NDUFAF6: variants seen among roughly 807,000 people sequenced by gnomAD.
NDUFAF6 encodes the protein NADH dehydrogenase (ubiquinone) complex I, assembly factor 6.
In NDUFAF6, 45 loss-of-function variants were observed where a neutral mutation model predicts 40.8. That is an observed-to-expected ratio of 1.10 (90% CI 0.87 to 1.42). NDUFAF6 has a LOEUF of 1.42. NDUFAF6 is among the 40% of genes most tolerant of loss of function. The pLI is 0.00. For synonymous variants in NDUFAF6, 185 were observed against 155.9 expected, an observed-to-expected ratio of 1.19 and a Z score of -1.39; for missense variants, 435 against 418.5, an observed-to-expected ratio of 1.04 and a Z score of -0.34.
rs11302193 is a variant in NDUFAF6 at position 95,066,287 on chromosome 8, C to CTT, written c.*512-9324_*512-9323dup. Among the ~76,000 whole-genome samples, 582 of 82,860 alleles carry CTT rather than the reference C, an allele frequency of 7.0e-3. 17 individuals are homozygous for CTT. The highest frequency in any genetic ancestry group is 0.019 in the African/African-American group (395 of 20,510). The allele number at this position is 82,860 out of a possible 152,430, so 54.4% of individuals were successfully genotyped here. A position where few individuals can be genotyped will look rare whatever the true frequency, so the allele number is the denominator to read the frequency against. The stretch of plus-strand genomic sequence containing the variant: ...CCATCATGCCTGGCTTGCTTGCTTG[C>CTT]TTTTTTTTTTTTTTTTTTTTTTTGA... On this transcript the variant is annotated intron_variant and NMD_transcript_variant, in intron 9 of 9. Transcript: ENST00000520757.
downstream of NDUFAF6, among the ~76,000 whole-genome samples, chr8:95,078,912 A>G (rs1808726441): frequency 6.6e-6 from 1 of 151,974 alleles, no homozygotes; most frequent in Non-Finnish European, 1.5e-5. Flanking sequence ...TGAATAATGC[A>G]CGCAGGCATC....
At chr8:95,045,976 C>G (rs562099399) in intron 5 of NDUFAF6, among the ~76,000 whole-genome samples, 1 of 152,124 alleles carries the variant, frequency 6.6e-6, no homozygotes, top group African/African-American at 2.4e-5. Context: ...CTGACTCTTC[C>G]TTTCGTGTTA....
intron 2 of NDUFAF6, among the ~76,000 whole-genome samples, chr8:95,081,227 C>T (rs1036119718): frequency 2.3e-5 from 3 of 131,362 alleles, no homozygotes; most frequent in East Asian, 2.4e-4. Flanking sequence ...TGCAGTGGTG[C>T]GATCTCAGCT....
intron 2 of NDUFAF6, among the ~76,000 whole-genome samples, chr8:95,014,502 A>T (rs907619543): frequency 6.6e-6 from 1 of 152,208 alleles, no homozygotes; most frequent in African/African-American, 2.4e-5. Flanking sequence ...TCTGGGTAAG[A>T]TGAGAAGGTA....
intron 4 of NDUFAF6, among the ~76,000 whole-genome samples, chr8:95,113,258 A>T (rs932108634): frequency 1.5e-4 from 23 of 152,326 alleles, no homozygotes; most frequent in Middle Eastern, 3.4e-3. Context: ...CTTAAAAAAG[A>T]TGTGTCATCA....
chr8:94,956,095 A>G (rs1586797329), upstream of NDUFAF6, among the ~76,000 whole-genome samples: 1 of 152,062 alleles, frequency 6.6e-6, no homozygotes, highest in Admixed American at 6.6e-5. Context: ...TTTAGGCTTG[A>G]CCTCTCTTAG....
intron 1 of NDUFAF6, among the ~76,000 whole-genome samples, chr8:94,939,002 T>G (rs1278686413): frequency 1.5e-4 from 23 of 152,116 alleles, no homozygotes; most frequent in Admixed American, 1.5e-3. Flanking sequence ...TTGAATTGAA[T>G]CAGAGGACAC....
intron 9 of NDUFAF6, chr8:95,067,136 A>T (rs968839800): frequency 2.6e-5 from 4 of 152,238 alleles, no homozygotes; most frequent in African/African-American, 4.8e-5. Context: ...ATGTTACGTA[A>T]TGAGTTAGAA....
At chr8:95,075,603 G>A (rs1408745611) in intron 9 of NDUFAF6, 1 of 1,287,346 alleles carries the variant, frequency 7.8e-7, no homozygotes, top group South Asian at 1.2e-5. Context: ...AGTTGGCTTG[G>A]TGAATAAGTG....
intron 1 of NDUFAF6, chr8:94,927,258 A>G (rs918278533): frequency 6.6e-6 from 1 of 152,628 alleles, no homozygotes; most frequent in Non-Finnish European, 1.5e-5. Context: ...AGAGTACATA[A>G]AGATAATATA....
At chr8:95,006,660 C>T (rs1827000040) in intron 2 of NDUFAF6, among the ~76,000 whole-genome samples, 1 of 152,022 alleles carries the variant, frequency 6.6e-6, no homozygotes, top group Non-Finnish European at 1.5e-5. Context: ...GCGGGCGGAT[C>T]GCTTGAGCTT....
At chr8:94,940,141 T>C in intron 1 of NDUFAF6, 1 of 1,614,180 alleles carries the variant, frequency 6.2e-7, no homozygotes, top group Non-Finnish European at 8.5e-7. Flanking sequence ...AGGAAAAGAC[T>C]GAAGGGTGCT....
At chr8:94,920,755 C>T (rs1259882369) in intron 1 of NDUFAF6, among the ~76,000 whole-genome samples, 1 of 152,236 alleles carries the variant, frequency 6.6e-6, no homozygotes, top group African/African-American at 2.4e-5. Flanking sequence ...CTGCACACTG[C>T]TCACAGGCTG....
chr8:95,107,298 A>G (rs1029279502), downstream of NDUFAF6, among the ~76,000 whole-genome samples: 1 of 152,250 alleles, frequency 6.6e-6, no homozygotes, highest in Non-Finnish European at 1.5e-5. Context: ...CTATACAGCC[A>G]TAAAAAAGGA....
intron 2 of NDUFAF6, among the ~76,000 whole-genome samples, chr8:95,006,994 C>CA (rs772778989): frequency 0.14 from 18,142 of 134,280 alleles, 1,151 homozygotes; most frequent in Middle Eastern, 0.25. Context: ...AATATAAGGG[C>CA]AAAAAAAAAA....
chr8:95,063,135 T>C (rs1832611712), downstream of NDUFAF6, among the ~76,000 whole-genome samples: 1 of 152,236 alleles, frequency 6.6e-6, no homozygotes, highest in Non-Finnish European at 1.5e-5. Context: ...AAACAAGCAC[T>C]TCTCCACAGG....
downstream of NDUFAF6, among the ~76,000 whole-genome samples, chr8:95,106,388 T>G (rs1033740634): frequency 6.6e-5 from 10 of 152,120 alleles, no homozygotes; most frequent in African/African-American, 2.4e-4. Flanking sequence ...GGGGAAAGGA[T>G]TCCTATTTAA....
chr8:94,940,577 T>C (rs1379708344), intron 1 of NDUFAF6, among the ~76,000 whole-genome samples: 1 of 152,162 alleles, frequency 6.6e-6, no homozygotes, highest in African/African-American at 2.4e-5. Context: ...ACTTGTCTAA[T>C]AAAAGGGGCT....
intron 1 of NDUFAF6, among the ~76,000 whole-genome samples, chr8:94,959,489 C>A (rs1264643822): frequency 6.6e-6 from 1 of 152,010 alleles, no homozygotes; most frequent in Non-Finnish European, 1.5e-5. Flanking sequence ...TATTTTGAAT[C>A]CCTGACTTAG....
Sources: allele counts gnomAD v4.1 joint callset (sites outside exome capture counted in the v4.1 genomes callset), GRCh38; gene constraint gnomAD v4.1.1; transcripts MANE v1.5; gene names NCBI Gene and HGNC (gene_info 2026-07-23, HGNC 2026-07-21).